ERBB4: variants seen among roughly 807,000 people sequenced by gnomAD.
The protein encoded by ERBB4 is receptor tyrosine-protein kinase erbB-4.
In ERBB4, 42 loss-of-function variants were observed where a neutral mutation model predicts 158.0. That is an observed-to-expected ratio of 0.27 (90% CI 0.21 to 0.34). The LOEUF (loss-of-function observed/expected upper bound fraction) is 0.34, where lower values mean the gene tolerates loss of function less well. Among genes scored for constraint, ERBB4 ranks in the 10% least tolerant of loss-of-function variants. The pLI, the probability that ERBB4 is intolerant of heterozygous loss-of-function variation, is 1.00. For missense variants in ERBB4, 1,333 were observed against 1,624.1 expected, an observed-to-expected ratio of 0.82 and a Z score of 3.08; for synonymous variants, 583 against 558.7, an observed-to-expected ratio of 1.04 and a Z score of -0.61.
chr2:211,836,774 T>C (rs2077352701), intron 3 of ERBB4, among the ~76,000 whole-genome samples: 1 of 151,992 alleles, frequency 6.6e-6, no homozygotes, highest in South Asian at 2.1e-4. Context: ...AGCTGCAAAA[T>C]AGCTTGCTAT....
intron 1 of ERBB4, among the ~76,000 whole-genome samples, chr2:212,384,937 T>TCA (rs1311201279): frequency 8.5e-5 from 10 of 117,328 alleles, no homozygotes; most frequent in African/African-American, 2.7e-4. Flanking sequence ...ACACACACAC[T>TCA]CACACACACA....
intron 4 of ERBB4, among the ~76,000 whole-genome samples, chr2:211,752,051 T>C (rs2075146416): frequency 6.6e-6 from 1 of 152,192 alleles, no homozygotes; most frequent in Non-Finnish European, 1.5e-5. Context: ...CTGCCATCTG[T>C]TTATTTAGAG....
chr2:211,723,771 A>G (rs1286794102), intron 6 of ERBB4, among the ~76,000 whole-genome samples: 1 of 152,208 alleles, frequency 6.6e-6, no homozygotes, highest in Non-Finnish European at 1.5e-5. Flanking sequence ...TTGCTCAGGA[A>G]CAAAGGAACA....
intron 20 of ERBB4, among the ~76,000 whole-genome samples, chr2:211,503,922 T>C (rs2065679819): frequency 6.6e-6 from 1 of 152,068 alleles, no homozygotes; most frequent in Admixed American, 6.5e-5. Context: ...ATCCCACCCT[T>C]TCCTGAGAGT....
At chr2:211,444,530 C>T (rs1055485709) in intron 20 of ERBB4, among the ~76,000 whole-genome samples, 1 of 151,996 alleles carries the variant, frequency 6.6e-6, no homozygotes, top group African/African-American at 2.4e-5. Context: ...AAATCAGGGA[C>T]ACCTTGTGTC....
At chr2:212,062,543 G>A (rs13385177) in intron 2 of ERBB4, among the ~76,000 whole-genome samples, 1 of 150,768 alleles carries the variant, frequency 6.6e-6, no homozygotes, top group African/African-American at 2.4e-5. Flanking sequence ...GAGTAGCTGA[G>A]ATTAAAGGCA....
intron 23 of ERBB4, among the ~76,000 whole-genome samples, chr2:211,422,998 A>T (rs1186979153): frequency 1.3e-5 from 2 of 151,668 alleles, no homozygotes; most frequent in African/African-American, 2.4e-5. Context: ...TATTCTGGGA[A>T]TTTTTTGGGT....
At chr2:211,631,149 C>T (rs932523851) in intron 16 of ERBB4, among the ~76,000 whole-genome samples, 10 of 152,042 alleles carry the variant, frequency 6.6e-5, no homozygotes, top group African/African-American at 2.4e-4. Context: ...AGTAGCACCC[C>T]CATCCTCTAG....
intron 1 of ERBB4, among the ~76,000 whole-genome samples, chr2:212,490,443 T>C (rs998359052): frequency 6.6e-6 from 1 of 151,854 alleles, no homozygotes; most frequent in African/African-American, 2.4e-5. Context: ...TCCCCTTGTA[T>C]TCTACCCAGA....
At chr2:211,512,004 C>T (rs2065896337) in intron 20 of ERBB4, among the ~76,000 whole-genome samples, 1 of 152,030 alleles carries the variant, frequency 6.6e-6, no homozygotes, top group South Asian at 2.1e-4. Context: ...ATTGGGTGGA[C>T]AGGAAGAAGA....
chr2:212,175,945 A>T (rs1374078915), intron 1 of ERBB4, among the ~76,000 whole-genome samples: 2 of 151,946 alleles, frequency 1.3e-5, no homozygotes, highest in Non-Finnish European at 2.9e-5. Context: ...CAAAACACAA[A>T]GTTTCCTCAT....
intron 19 of ERBB4, among the ~76,000 whole-genome samples, chr2:211,607,184 T>TA (rs1239866322): frequency 2.6e-4 from 39 of 152,288 alleles, no homozygotes; most frequent in African/African-American, 8.9e-4. Context: ...CTTGGCTATT[T>TA]TCTTACCAGG....
intron 1 of ERBB4, among the ~76,000 whole-genome samples, chr2:212,303,833 T>C (rs1011609636): frequency 1.3e-5 from 2 of 151,458 alleles, no homozygotes; most frequent in Non-Finnish European, 3.0e-5. Flanking sequence ...CTTATAAATA[T>C]TTAATGCAGG....
intron 1 of ERBB4, among the ~76,000 whole-genome samples, chr2:212,204,076 T>C (rs1447402168): frequency 2.6e-5 from 4 of 152,236 alleles, no homozygotes; most frequent in Non-Finnish European, 4.4e-5. Context: ...AATTTAAATA[T>C]TGAATATGGT....
chr2:211,980,849 C>T (rs1277766294), intron 2 of ERBB4, among the ~76,000 whole-genome samples: 1 of 151,966 alleles, frequency 6.6e-6, no homozygotes, highest in African/African-American at 2.4e-5. Flanking sequence ...TAAGGAAATC[C>T]ATATTTCATA....
At chr2:211,525,551 G>T (rs2066322879) in intron 20 of ERBB4, among the ~76,000 whole-genome samples, 1 of 152,134 alleles carries the variant, frequency 6.6e-6, no homozygotes, top group Admixed American at 6.5e-5. Flanking sequence ...TATGCACATA[G>T]TATGCCATGG....
intron 1 of ERBB4, among the ~76,000 whole-genome samples, chr2:212,448,318 A>G (rs2092393668): frequency 6.6e-6 from 1 of 152,224 alleles, no homozygotes; most frequent in Admixed American, 6.5e-5. Flanking sequence ...TGCGTACATC[A>G]GAATGAAATG....
intron 1 of ERBB4, among the ~76,000 whole-genome samples, chr2:212,205,799 A>G (rs969842430): frequency 2.0e-5 from 3 of 152,186 alleles, no homozygotes; most frequent in African/African-American, 7.2e-5. Context: ...CTCACTGGGC[A>G]TAAAGAATCA....
intron 1 of ERBB4, among the ~76,000 whole-genome samples, chr2:212,208,648 G>A (rs185446806): frequency 1.1e-3 from 162 of 152,284 alleles, no homozygotes; most frequent in Non-Finnish European, 1.0e-3. Flanking sequence ...GTTAGAGGCA[G>A]TGGGAATTCA....
Sources: gnomAD v4.1 joint callset for allele counts (sites outside exome capture counted in the v4.1 genomes callset) on GRCh38, gnomAD v4.1.1 for gene constraint, MANE v1.5 for transcripts, NCBI Gene and HGNC (gene_info 2026-07-23, HGNC 2026-07-21) for gene names.